Variants in CR1L observed in about 807,000 individuals in gnomAD.
CR1L encodes complement C3b/C4b receptor 1 like.
In CR1L, 59 loss-of-function variants were observed where a neutral mutation model predicts 62.3. The observed-to-expected ratio is 0.95, with a 90% CI of 0.77 to 1.18. The LOEUF is 1.18. Ranked by LOEUF, CR1L falls within the 50% of genes most tolerant of loss-of-function variation. The pLI, the probability that CR1L is intolerant of heterozygous loss-of-function variation, is 0.00. For missense variants in CR1L, 700 were observed against 702.8 expected (o/e 1.00, Z 0.04); for synonymous variants, 279 against 248.7 (o/e 1.12, Z -1.15).
Position 207,677,493 on chromosome 1 carries a change from G to C in CR1L, c.202G>C (p.Gly68Arg). 6.2e-7 allele frequency: 1 copy of C among 1,613,864 alleles called. No individual in the cohort carries two copies. The highest frequency in any genetic ancestry group is 8.5e-7 in the Non-Finnish European group (1 of 1,179,864). ...ATATCTGAACTATGAATGCCGCCCT[G>C]GTTATTCCGGAAGACCGTTTTCTAT... ...GTYLNYECRP[G>R]YSGRPFSIIC... The change falls in exon 2 of 12, where the codon GGT becomes CGT. Residue 68 changes from glycine to arginine, a missense_variant. Physicochemically the swap from Gly to Arg is moderately radical, Grantham distance 125 (BLOSUM62 -2). Coordinates refer to ENST00000508064, the MANE Select transcript of CR1L (RefSeq NM_175710.2).
At chr1:207,706,965 A>C (rs1664277069) in intron 9 of CR1L, among the ~76,000 whole-genome samples, 1 of 152,358 alleles carries the variant, frequency 6.6e-6, no homozygotes, top group Admixed American at 6.5e-5. Context: ...AGAAAGCAGG[A>C]AAAGGTAGGC....
chr1:207,709,535 A>G (rs1664319844), intron 10 of CR1L, among the ~76,000 whole-genome samples: 1 of 152,134 alleles, frequency 6.6e-6, no homozygotes, highest in Non-Finnish European at 1.5e-5. Flanking sequence ...TAGCAGGAGA[A>G]ATATAAATGT....
intron 1 of CR1L, among the ~76,000 whole-genome samples, chr1:207,676,593 G>A (rs181394710): frequency 3.9e-5 from 6 of 152,216 alleles, no homozygotes; most frequent in East Asian, 3.9e-4. Flanking sequence ...TCCACAAAAC[G>A]AGTCTCAGGT....
intron 1 of CR1L, among the ~76,000 whole-genome samples, chr1:207,667,784 A>G (rs1468304810): frequency 1.4e-5 from 2 of 144,200 alleles, no homozygotes; most frequent in African/African-American, 2.9e-5. Context: ...ACAAGGGGTT[A>G]ATATCCAGAA....
intron 1 of CR1L, among the ~76,000 whole-genome samples, chr1:207,654,333 T>C (rs1663273021): frequency 6.6e-6 from 1 of 152,220 alleles, no homozygotes. Context: ...ATTCAATTAA[T>C]AGTTACATAG....
At chr1:207,688,440 C>CA (rs35198320) in intron 4 of CR1L, among the ~76,000 whole-genome samples, 18 of 151,134 alleles carry the variant, frequency 1.2e-4, no homozygotes, top group East Asian at 1.9e-4. Context: ...ACTATAATGG[C>CA]AAAAAAAACT....
intron 11 of CR1L, among the ~76,000 whole-genome samples, chr1:207,717,912 A>AGGAGGGTGGGATGGTT (rs1654040795): frequency 6.6e-6 from 1 of 152,152 alleles, no homozygotes; most frequent in Non-Finnish European, 1.5e-5. Context: ...GTGGGATGGT[A>AGGAGGGTGGGATGGTT]AGGAGAGAAG....
At chr1:207,703,281 G>T (rs1271812582) in intron 9 of CR1L, among the ~76,000 whole-genome samples, 1 of 152,176 alleles carries the variant, frequency 6.6e-6, no homozygotes, top group African/African-American at 2.4e-5. Flanking sequence ...AAGCTTCAAA[G>T]GATAGGCTGC....
At chr1:207,646,588 G>A (rs968577092) in intron 1 of CR1L, among the ~76,000 whole-genome samples, 11 of 151,654 alleles carry the variant, frequency 7.3e-5, no homozygotes, top group Non-Finnish European at 1.5e-4. Flanking sequence ...GTGTATGCCC[G>A]TGGTCCCAAC....
intron 9 of CR1L, among the ~76,000 whole-genome samples, chr1:207,703,352 TA>T (rs1326824525): frequency 2.0e-5 from 3 of 152,240 alleles, no homozygotes; most frequent in African/African-American, 7.2e-5. Context: ...CTGACCATTC[TA>T]AAAGCCCTAG....
chr1:207,688,941 G>A (rs1663953495), intron 4 of CR1L, among the ~76,000 whole-genome samples: 1 of 152,006 alleles, frequency 6.6e-6, no homozygotes, highest in African/African-American at 2.4e-5. Context: ...TGAAGTTGCT[G>A]CATAATTATG....
At chr1:207,689,175 G>A (rs1199879231) in intron 4 of CR1L, among the ~76,000 whole-genome samples, 1 of 151,978 alleles carries the variant, frequency 6.6e-6, no homozygotes, top group African/African-American at 2.4e-5. Context: ...ATTGCTAAAA[G>A]ATTTATCATG....
intron 1 of CR1L, among the ~76,000 whole-genome samples, chr1:207,676,836 A>G (rs1019168974): frequency 3.3e-5 from 5 of 152,034 alleles, no homozygotes; most frequent in African/African-American, 1.2e-4. Context: ...TTGTATTTTT[A>G]GTAGAGACGG....
In CR1L at chr1:207,715,546, G is replaced by C. The variant is rs1270158900; in HGVS notation, c.1415-1918G>C. On this transcript the variant is annotated intron_variant, in intron 10 of 11. Coordinates refer to ENST00000508064, the MANE Select transcript of CR1L (RefSeq NM_175710.2). Reference sequence around the variant, plus strand: ...TTGGAAGAATTTCAAGAAGGGTCTTGTAGGACTTTTCTGACATTTGTTACT... The same window carrying C: ...TTGGAAGAATTTCAAGAAGGGTCTTCTAGGACTTTTCTGACATTTGTTACT... The C allele has an allele frequency of 2.1e-4, 96 of 466,308 alleles. 1 individual carries two copies. The highest frequency in any genetic ancestry group is 2.0e-5 in the Non-Finnish European group (5 of 252,398). The allele number at this position is 466,308 out of a possible 1,614,324, so 28.9% of individuals were successfully genotyped here.
intron 1 of CR1L, among the ~76,000 whole-genome samples, chr1:207,663,095 G>T (rs1663451415): frequency 6.6e-6 from 1 of 152,204 alleles, no homozygotes; most frequent in Admixed American, 6.5e-5. Flanking sequence ...GGGGGTCAGG[G>T]ACCCACTTGA....
chr1:207,722,934 T>C (rs1262909982), intron 11 of CR1L, among the ~76,000 whole-genome samples: 2 of 152,174 alleles, frequency 1.3e-5, no homozygotes, highest in East Asian at 1.9e-4. Flanking sequence ...ATAGAAGTCA[T>C]TGAATATACT....
At chr1:207,709,826 C>A in intron 10 of CR1L, among the ~76,000 whole-genome samples, 1 of 108,110 alleles carries the variant, frequency 9.2e-6, no homozygotes, top group Non-Finnish European at 1.8e-5. Context: ...AACAGAGACT[C>A]TGTCTCAAAA....
intron 4 of CR1L, chr1:207,684,186 G>T (rs543388463): frequency 8.8e-5 from 32 of 363,352 alleles, no homozygotes; most frequent in African/African-American, 6.0e-4. Context: ...TACGTAAAAG[G>T]CTTCAAACTT....
chr1:207,710,950 T>A, intron 10 of CR1L: 1 of 706,080 alleles, frequency 1.4e-6, no homozygotes, highest in South Asian at 2.0e-5. Flanking sequence ...CAAGCACTCA[T>A]GCATATGTGT....
Sources: allele counts gnomAD v4.1 joint callset (sites outside exome capture counted in the v4.1 genomes callset), GRCh38; gene constraint gnomAD v4.1.1; transcripts MANE v1.5; gene names NCBI Gene and HGNC (gene_info 2026-07-23, HGNC 2026-07-21).